The following KIAA0825 variants were observed in gnomAD, a reference collection of about 807,000 sequenced individuals.
KIAA0825 encodes uncharacterized protein KIAA0825.
KIAA0825 carries 119 observed loss-of-function variants against 147.6 expected under a neutral mutation model. The observed-to-expected ratio is 0.81, with a 90% CI of 0.69 to 0.94. The LOEUF is 0.94. KIAA0825 is among the 40% of genes least tolerant of loss of function. The pLI, the probability that KIAA0825 is intolerant of heterozygous loss-of-function variation, is 0.00. For synonymous variants in KIAA0825, 470 were observed against 518.1 expected (o/e 0.91, Z 1.26); for missense variants, 1,381 against 1,472.7 (o/e 0.94, Z 1.02).
At chr5:94,242,800 ATTT>A (rs1305332326) in intron 20 of KIAA0825, among the ~76,000 whole-genome samples, 2 of 151,854 alleles carry the variant, frequency 1.3e-5, no homozygotes, top group Non-Finnish European at 2.9e-5. Flanking sequence ...TAATTTTTGT[ATTT>A]TTAGTAGAGA....
chr5:94,269,554 C>T (rs1776888098), intron 20 of KIAA0825, among the ~76,000 whole-genome samples: 1 of 151,888 alleles, frequency 6.6e-6, no homozygotes, highest in South Asian at 2.1e-4. Flanking sequence ...CAATATGTTT[C>T]TGAGGGACCA....
At chr5:94,448,296 A>G (rs540232934) in intron 13 of KIAA0825, among the ~76,000 whole-genome samples, 57 of 151,946 alleles carry the variant, frequency 3.8e-4, no homozygotes, top group African/African-American at 1.4e-3. Context: ...AAACTCTTCT[A>G]AACTCTATTC....
chr5:94,536,959 T>G (rs113526877), intron 3 of KIAA0825, 37 bp downstream of exon 3: 19 of 1,477,954 alleles, frequency 1.3e-5, no homozygotes, highest in African/African-American at 1.3e-4. Flanking sequence ...AAGTGAAATG[T>G]GAAAACAACT....
intron 20 of KIAA0825, among the ~76,000 whole-genome samples, chr5:94,185,257 G>T (rs1770018529): frequency 6.6e-6 from 1 of 152,116 alleles, no homozygotes; most frequent in Admixed American, 6.5e-5. Context: ...ACTGCTCTAG[G>T]CATCTTTATG....
At chr5:94,367,357 A>G (rs1351331730) in intron 20 of KIAA0825, among the ~76,000 whole-genome samples, 1 of 151,934 alleles carries the variant, frequency 6.6e-6, no homozygotes, top group Non-Finnish European at 1.5e-5. Flanking sequence ...AATTAGGCAG[A>G]CGTGGTGGCG....
intron 20 of KIAA0825, among the ~76,000 whole-genome samples, chr5:94,346,116 C>A (rs973951819): frequency 6.6e-6 from 1 of 152,102 alleles, no homozygotes; most frequent in Non-Finnish European, 1.5e-5. Flanking sequence ...TTAGTTTTTA[C>A]TTCTTCTTTC....
At chr5:94,201,268 G>A (rs1229965483) in intron 20 of KIAA0825, among the ~76,000 whole-genome samples, 1 of 151,202 alleles carries the variant, frequency 6.6e-6, no homozygotes, top group Non-Finnish European at 1.5e-5. Flanking sequence ...TTTAATAAAT[G>A]TATAACTTAT....
At chr5:94,425,901 T>A (rs565856566) in intron 14 of KIAA0825, among the ~76,000 whole-genome samples, 31 of 152,244 alleles carry the variant, frequency 2.0e-4, no homozygotes, top group African/African-American at 7.5e-4. Context: ...CATTTGTATG[T>A]CTTCTTTTGA....
intron 20 of KIAA0825, among the ~76,000 whole-genome samples, chr5:94,351,054 G>A (rs763114704): frequency 6.6e-6 from 1 of 152,004 alleles, no homozygotes; most frequent in Non-Finnish European, 1.5e-5. Context: ...TGTAGTACTG[G>A]AAGTCCTAGC....
intron 20 of KIAA0825, among the ~76,000 whole-genome samples, chr5:94,379,257 A>G (rs1748031936): frequency 2.0e-5 from 3 of 152,194 alleles, no homozygotes; most frequent in Non-Finnish European, 4.4e-5. Flanking sequence ...TAAGTCTTTA[A>G]TTAATCTTGA....
rs777739091 is a variant in KIAA0825 at position 94,462,392 on chromosome 5, T to C, written c.2241A>G (p.Leu747=). 1 of 1,382,798 alleles carries C rather than the reference T, an allele frequency of 7.2e-7. No homozygotes were observed. Among genetic ancestry groups the C allele is most frequent in the South Asian group, 1.4e-5 (1 of 73,512 alleles). The allele number at this position is 1,382,798 out of a possible 1,614,324, so 85.7% of individuals were successfully genotyped here. Residue 747 remains leucine, a synonymous_variant, in exon 12 of 21, where the codon TTA becomes TTG. Transcript: ENST00000682413. ...LVILTSPLTE[L]YKTFQHGLDE... ...AAAATACATTTGATACTTACTTATA[T>C]AATTCTGTTAATGGTGAAGTCAAAA...
intron 20 of KIAA0825, among the ~76,000 whole-genome samples, chr5:94,341,252 G>A (rs1782345786): frequency 6.6e-6 from 1 of 152,186 alleles, no homozygotes; most frequent in Admixed American, 6.5e-5. Flanking sequence ...CTTCATATCA[G>A]ACAGAGAGTT....
intron 20 of KIAA0825, among the ~76,000 whole-genome samples, chr5:94,256,684 C>T (rs1776269066): frequency 1.3e-5 from 2 of 151,978 alleles, no homozygotes; most frequent in South Asian, 4.2e-4. Flanking sequence ...TACTGAACAC[C>T]CAATATTTCA....
intron 5 of KIAA0825, among the ~76,000 whole-genome samples, chr5:94,495,808 C>A (rs902533199): frequency 6.6e-6 from 1 of 152,260 alleles, no homozygotes; most frequent in East Asian, 1.9e-4. Flanking sequence ...ATACTGGGCT[C>A]ACTTATGGTT....
intron 3 of KIAA0825, among the ~76,000 whole-genome samples, chr5:94,527,957 A>AT (rs1769677556): frequency 6.6e-6 from 1 of 152,046 alleles, no homozygotes; most frequent in Non-Finnish European, 1.5e-5. Flanking sequence ...TCTGGATAAT[A>AT]TTTTTTAAAA....
intron 13 of KIAA0825, among the ~76,000 whole-genome samples, chr5:94,444,014 T>C (rs1757429428): frequency 6.6e-6 from 1 of 152,184 alleles, no homozygotes; most frequent in East Asian, 1.9e-4. Flanking sequence ...CCTCAAGACT[T>C]GATACTTATT....
chr5:94,449,404 G>A (rs1324456080), intron 13 of KIAA0825, among the ~76,000 whole-genome samples: 1 of 152,122 alleles, frequency 6.6e-6, no homozygotes, highest in African/African-American at 2.4e-5. Flanking sequence ...TGGAGAGAAA[G>A]GGTGATTCTA....
rs61572627 is a variant in KIAA0825 at position 94,428,143 on chromosome 5, TTGTGTGTGTGTGTGTG to T, written c.2498-10794_2498-10779del. Among the ~76,000 whole-genome samples the T allele has an allele frequency of 2.1e-3, 289 of 134,580 alleles. 2 individuals are homozygous for T. The highest frequency in any genetic ancestry group is 0.015 in the East Asian group (67 of 4,476). The allele number at this position is 134,580 out of a possible 152,430, so 88.3% of individuals were successfully genotyped here. ...GGAGACAGCAGAGGATAAGGTCTTGTTGTGTGTGTGTGTGTGTGTGTGTGTGTGTGTGTGTGTGTGT... is the reference window on the plus strand; with the variant it reads ...GGAGACAGCAGAGGATAAGGTCTTGTTGTGTGTGTGTGTGTGTGTGTGTGT... On this transcript the variant is annotated intron_variant, in intron 14 of 20. Coordinates refer to ENST00000682413, the MANE Select transcript of KIAA0825 (RefSeq NM_001145678.3).
intron 20 of KIAA0825, among the ~76,000 whole-genome samples, chr5:94,261,934 T>A (rs778509788): frequency 4.6e-5 from 7 of 152,112 alleles, no homozygotes; most frequent in Non-Finnish European, 8.8e-5. Context: ...GTAGGACAGA[T>A]CCTTCCAAAC....
Sources: gnomAD v4.1 joint callset for allele counts (sites outside exome capture counted in the v4.1 genomes callset) on GRCh38, gnomAD v4.1.1 for gene constraint, MANE v1.5 for transcripts, NCBI Gene and HGNC (gene_info 2026-07-23, HGNC 2026-07-21) for gene names.